Variants in GON4L observed in about 807,000 individuals in gnomAD.
The protein encoded by GON4L is gon-4 like, also known as GON-4-like protein.
In GON4L, 87 loss-of-function variants were observed where a neutral mutation model predicts 211.8. That is an observed-to-expected ratio of 0.41 (90% CI 0.35 to 0.49). The LOEUF is 0.49. GON4L is among the 20% of genes least tolerant of loss of function. The probability of loss-of-function intolerance (pLI) is 0.15; values close to 1 mark genes in which losing one functional copy is unlikely to be tolerated. For missense variants in GON4L, 2,155 were observed against 2,659.5 expected (o/e 0.81, Z 4.17); for synonymous variants, 875 against 962.6 (o/e 0.91, Z 1.68).
At position 155,813,722 on chromosome 1, in the gene GON4L, T is replaced by G. The variant is rs749574701; in HGVS notation, c.1364A>C (p.Lys455Thr). ...PMGPPPPPKP[K>T]QTRDSTFMEK... ...CATGAAAGTACTATCTCTGGTCTGT[T>G]TCGGCTTTGGAGGGGGCGGGGGCCC... Residue 455 changes from lysine to threonine, a missense_variant, in exon 10 of 32, where the codon AAA (lysine) becomes ACA (threonine). By Grantham distance (78) the Lys-to-Thr change is moderately conservative. Around this residue, in one of 6 missense-constraint regions of GON4L, gnomAD observed 551 missense variants for 854.0 expected, o/e 0.65. Transcript: ENST00000368331. The G allele has an allele frequency of 1.2e-6, 2 of 1,613,986 alleles. No homozygotes were observed. Among genetic ancestry groups the G allele is most frequent in the South Asian group, 2.2e-5 (2 of 91,078 alleles).
chr1:155,748,718 G>A (rs1660350704), downstream of GON4L: 3 of 1,614,154 alleles, frequency 1.9e-6, no homozygotes, highest in Non-Finnish European at 2.5e-6. Context: ...CTGCATGTGG[G>A]GAGCCTTCTG....
At chr1:155,774,784 T>C in intron 17 of GON4L, 1 of 694,346 alleles carries the variant, frequency 1.4e-6, no homozygotes, top group Non-Finnish European at 2.5e-6. Context: ...ATTCCTATAC[T>C]GTCCACTGCC....
In GON4L at chr1:155,753,227, C is replaced by T; in HGVS notation, c.5819G>A (p.Arg1940Lys). 1 of 1,603,188 alleles carries T rather than the reference C, an allele frequency of 6.2e-7. No homozygotes were observed. Among genetic ancestry groups the T allele is most frequent in the African/African-American group, 1.4e-5 (1 of 73,624 alleles). Residue 1940 changes from arginine (R) to lysine (K), a missense_variant, in exon 29 of 32, where the codon AGA becomes AAA. Arg to Lys is a conservative substitution (Grantham distance 26). Around this residue, in one of 6 missense-constraint regions of GON4L, gnomAD observed 455 missense variants for 504.6 expected, o/e 0.90. Coordinates refer to ENST00000368331, the MANE Select transcript of GON4L (RefSeq NM_001282860.2). ...ATQSRTVRTT[R>K]KGEMPVSAGL... ...ACCTGAAACAGGCATCTCTCCCTTTCTGGTGGTCCTGACAGTCCTGCTCTG... is the reference window on the plus strand; with the variant it reads ...ACCTGAAACAGGCATCTCTCCCTTTTTGGTGGTCCTGACAGTCCTGCTCTG...
At chr1:155,787,032 C>T (rs1009827630) in intron 12 of GON4L, among the ~76,000 whole-genome samples, 1 of 152,088 alleles carries the variant, frequency 6.6e-6, no homozygotes, top group Non-Finnish European at 1.5e-5. Flanking sequence ...CGCCATTCTC[C>T]TGCCTCAGCC....
Position 155,760,626 on chromosome 1 carries a change from G to A in GON4L, c.4927C>T (p.Gln1643Ter). ...TCTTCATACTTGCCAGGGATATGTT[G>A]TAGGGCTTCTCGCACCTACACGGGA... is the stretch of plus-strand genomic sequence containing the variant. ...AYLTRVREAL[Q>*]HIPGKYEDFL... The change falls in exon 24 of 32, where the codon CAA becomes TAA. Residue 1643 changes from glutamine (Q) to a stop codon, truncating the protein, a stop_gained. Transcript: ENST00000368331. LOFTEE classifies it high-confidence loss of function. The A allele has an allele frequency of 6.2e-7, 1 of 1,612,128 alleles. No homozygotes were observed. The highest frequency in any genetic ancestry group is 2.2e-5 in the East Asian group (1 of 44,876).
In GON4L at chr1:155,830,392, C is replaced by T. The variant is rs1669645499; in HGVS notation, c.506-3364G>A. ...TCCCGGGTTCAAGAGATTCTCCTGGCTCAGCCTCCCGAGTGGCTGGGATTA... is the reference window on the plus strand; with the variant it reads ...TCCCGGGTTCAAGAGATTCTCCTGGTTCAGCCTCCCGAGTGGCTGGGATTA... On this transcript the variant is annotated intron_variant, in intron 2 of 31. Coordinates refer to ENST00000368331, the MANE Select transcript of GON4L (RefSeq NM_001282860.2). Among the ~76,000 whole-genome samples the T allele has an allele frequency of 5.3e-5, 8 of 151,864 alleles. No individual in the cohort carries two copies. In the South Asian group the frequency reaches 1.3e-3, roughly 24 times the overall value.
chr1:155,786,280 T>C (rs904171840), intron 12 of GON4L, among the ~76,000 whole-genome samples: 2 of 152,110 alleles, frequency 1.3e-5, no homozygotes, highest in African/African-American at 4.8e-5. Flanking sequence ...GATGATTTTA[T>C]AATTAGATGA....
intron 2 of GON4L, among the ~76,000 whole-genome samples, chr1:155,834,586 A>G (rs986920306): frequency 3.3e-5 from 5 of 152,192 alleles, no homozygotes; most frequent in African/African-American, 9.6e-5. Flanking sequence ...CCGCTGAACA[A>G]AACAGGAGCT....
intron 2 of GON4L, among the ~76,000 whole-genome samples, chr1:155,848,586 T>G (rs1343226475): frequency 6.6e-6 from 1 of 152,222 alleles, no homozygotes; most frequent in Non-Finnish European, 1.5e-5. Flanking sequence ...ACTTCTTCCC[T>G]CACAATCTAT....
chr1:155,783,774 C>A (rs1378429051), intron 14 of GON4L, among the ~76,000 whole-genome samples: 1 of 152,206 alleles, frequency 6.6e-6, no homozygotes, highest in African/African-American at 2.4e-5. Context: ...TGTTTTTTCT[C>A]CCTTCCCAAA....
Position 155,752,226 on chromosome 1 carries a change from C to A in GON4L, c.6207G>T (p.Gly2069=). 1 of 1,613,070 alleles carries A rather than the reference C, an allele frequency of 6.2e-7. No individual in the cohort carries two copies. The highest frequency in any genetic ancestry group is 8.5e-7 in the Non-Finnish European group (1 of 1,179,288). Residue 2069 remains glycine (G), a synonymous_variant, in exon 30 of 32, where the codon GGG becomes GGT. Coordinates refer to ENST00000368331, the MANE Select transcript of GON4L (RefSeq NM_001282860.2). ...TRDAGRRHVS[G]KPDTQERWLP... ...GCCATCTCTCTTGAGTGTCTGGTTT[C>A]CCGGACACATGTCTTCTCCCTGCAT... is the stretch of plus-strand genomic sequence containing the variant.
chr1:155,809,864 CTTATATATAATTATAAATTATATACAT>C (rs1557885766), intron 10 of GON4L, among the ~76,000 whole-genome samples: 413 of 10,810 alleles, frequency 0.038, 157 homozygotes, highest in Non-Finnish European at 0.046. Context: ...AAATTATATA[CTTATATATAATTATAAATTATATACAT>C]ATATATAATT....
At chr1:155,832,754 T>C (rs2102352449) in intron 2 of GON4L, 1 of 152,322 alleles carries the variant, frequency 6.6e-6, no homozygotes, top group Non-Finnish European at 1.5e-5. Flanking sequence ...TTTTCTACAG[T>C]GTATATGATG....
intron 2 of GON4L, among the ~76,000 whole-genome samples, chr1:155,851,882 T>A (rs1170149753): frequency 6.7e-6 from 1 of 149,954 alleles, no homozygotes; most frequent in Admixed American, 6.6e-5. Context: ...AAAGTCATCT[T>A]GGCAGGGCGT....
intron 19 of GON4L, among the ~76,000 whole-genome samples, chr1:155,768,152 AAT>A (rs1662742401): frequency 6.6e-6 from 1 of 151,952 alleles, no homozygotes; most frequent in Non-Finnish European, 1.5e-5. Context: ...AAAATACAAA[AAT>A]TAGCCAGGCA....
chr1:155,840,801 G>C, intron 2 of GON4L, among the ~76,000 whole-genome samples: 1 of 152,228 alleles, frequency 6.6e-6, no homozygotes, highest in East Asian at 1.9e-4. Context: ...GGGAGGCTGA[G>C]GTGGGTGGAT....
chr1:155,765,610 C>T lies in GON4L; in HGVS notation c.3863G>A (p.Cys1288Tyr), dbSNP rs566097597. ...CTCTGTTTTCACAACGGTCCAGCGA[C>T]AGGCACTATTCTCTGACAATCCTTC... is the stretch of plus-strand genomic sequence containing the variant. ...CQEGLSENSA[C>Y]RWTVVKTEEG... Residue 1288 changes from cysteine to tyrosine, a missense_variant, in exon 21 of 32, where the codon TGT becomes TAT. Cys to Tyr is a radical substitution (Grantham distance 194). Around this residue, in one of 6 missense-constraint regions of GON4L, gnomAD observed 615 missense variants for 625.7 expected, o/e 0.98. Transcript: ENST00000368331. The T allele has an allele frequency of 7.4e-6, 12 of 1,614,182 alleles. No homozygotes were observed. Among genetic ancestry groups the T allele is most frequent in the East Asian group, 2.2e-5 (1 of 44,884 alleles).
intron 12 of GON4L, among the ~76,000 whole-genome samples, chr1:155,788,682 A>G (rs1665199969): frequency 1.3e-5 from 2 of 152,230 alleles, no homozygotes; most frequent in African/African-American, 2.4e-5. Flanking sequence ...CGACCCATGC[A>G]ACACAAATGA....
Position 155,757,014 on chromosome 1 carries a change from G to GT in GON4L, c.5460dup (p.Pro1821ThrfsTer18). The GT allele has an allele frequency of 6.2e-7, 1 of 1,613,642 alleles. No individual in the cohort carries two copies. Among genetic ancestry groups the GT allele is most frequent in the Non-Finnish European group, 8.5e-7 (1 of 1,179,578 alleles). ...TTCCTCTTGTTCTTTGAGGCTGTGG[G>GT]TATCTTGGGAGGCTCCTCCTCTTCT... is the stretch of plus-strand genomic sequence containing the variant. On this transcript the variant is annotated frameshift_variant, in exon 27 of 32. Transcript: ENST00000368331. LOFTEE classifies it high-confidence loss of function.
Sources: gnomAD v4.1 joint callset for allele counts (sites outside exome capture counted in the v4.1 genomes callset) on GRCh38, gnomAD v4.1.1 for gene constraint, gnomAD v4.1.1 regional missense constraint, MANE v1.5 for transcripts, NCBI Gene and HGNC (gene_info 2026-07-23, HGNC 2026-07-21) for gene names.